Variants in GRIA4 observed in about 807,000 individuals in gnomAD.
GRIA4 encodes glutamate ionotropic receptor AMPA type subunit 4.
A neutral mutation model predicts 104.0 loss-of-function variants in GRIA4; 34 were observed. That is an observed-to-expected ratio of 0.33 (90% CI 0.25 to 0.44). The LOEUF is 0.44. Among genes scored for constraint, GRIA4 ranks in the 20% least tolerant of loss-of-function variants. The pLI, the probability that GRIA4 is intolerant of heterozygous loss-of-function variation, is 1.00. For missense variants in GRIA4, 750 were observed against 1,096.5 expected, an observed-to-expected ratio of 0.68 and a Z score of 4.46; for synonymous variants, 386 against 381.9, an observed-to-expected ratio of 1.01 and a Z score of -0.13.
intron 3 of GRIA4, among the ~76,000 whole-genome samples, chr11:105,704,862 C>T (rs1301235153): frequency 1.3e-5 from 2 of 152,094 alleles, no homozygotes; most frequent in Non-Finnish European, 2.9e-5. Flanking sequence ...ATTTAACTCA[C>T]TCCTTATAAA....
intron 14 of GRIA4, among the ~76,000 whole-genome samples, chr11:105,959,614 CT>C (rs1261071459): frequency 2.0e-5 from 3 of 152,196 alleles, no homozygotes; most frequent in Admixed American, 6.5e-5. Flanking sequence ...AGTTCTCTAT[CT>C]GATCTTCCAT....
intron 3 of GRIA4, among the ~76,000 whole-genome samples, chr11:105,678,261 A>G (rs1371094696): frequency 6.6e-6 from 1 of 152,032 alleles, no homozygotes; most frequent in African/African-American, 2.4e-5. Context: ...TGGGGGCCCA[A>G]TTATGCCCCT....
chr11:105,902,237 C>A lies in GRIA4; in HGVS notation c.886-1577C>A, dbSNP rs7930028. Among the ~76,000 whole-genome samples the A allele has an allele frequency of 4.0e-3, 603 of 152,010 alleles. 5 individuals carry two copies. The highest frequency in any genetic ancestry group is 0.013 in the African/African-American group (556 of 41,450). ...CAGTTCTTTGTTAGAATTAATGCTC[C>A]TTATTTTATCCATGTTTTAGTTTTT... On this transcript the variant is annotated intron_variant, in intron 7 of 16. Coordinates refer to ENST00000282499, the MANE Select transcript of GRIA4 (RefSeq NM_000829.4).
At chr11:105,813,093 C>CAAAAAAA (rs58984237) in intron 4 of GRIA4, among the ~76,000 whole-genome samples, 3 of 80,402 alleles carry the variant, frequency 3.7e-5, no homozygotes, top group East Asian at 3.8e-4. Flanking sequence ...GACTCCATCT[C>CAAAAAAA]AAAAAAAAAA....
chr11:105,618,322 G>T (rs893063852), intron 3 of GRIA4, among the ~76,000 whole-genome samples: 2 of 152,080 alleles, frequency 1.3e-5, no homozygotes, highest in Admixed American at 1.3e-4. Flanking sequence ...GAATCAATTG[G>T]AAGAGGACAA....
intron 9 of GRIA4, among the ~76,000 whole-genome samples, chr11:105,909,503 T>C (rs547565831): frequency 6.6e-5 from 10 of 152,244 alleles, no homozygotes; most frequent in African/African-American, 1.9e-4. Context: ...CCTACTAAAG[T>C]GTAACTTTGT....
intron 4 of GRIA4, among the ~76,000 whole-genome samples, chr11:105,817,487 T>A (rs1281132436): frequency 6.6e-6 from 1 of 151,764 alleles, no homozygotes; most frequent in Non-Finnish European, 1.5e-5. Flanking sequence ...TAATAGTTTT[T>A]AAATTTTTTT....
At chr11:105,944,882 T>C (rs1202771117) in intron 14 of GRIA4, among the ~76,000 whole-genome samples, 2 of 152,166 alleles carry the variant, frequency 1.3e-5, no homozygotes, top group Non-Finnish European at 2.9e-5. Context: ...TCCTGCCATT[T>C]CCCATTGTGA....
intron 3 of GRIA4, among the ~76,000 whole-genome samples, chr11:105,740,139 T>A (rs561859707): frequency 6.6e-6 from 1 of 152,222 alleles, no homozygotes; most frequent in African/African-American, 2.4e-5. Context: ...TAAAGGAGAA[T>A]GTCTTAACTG....
intron 3 of GRIA4, among the ~76,000 whole-genome samples, chr11:105,737,206 G>A (rs574924301): frequency 1.3e-5 from 2 of 152,114 alleles, no homozygotes; most frequent in Admixed American, 6.6e-5. Flanking sequence ...TTTCTGTTTC[G>A]TGTTGTCCTT....
intron 14 of GRIA4, among the ~76,000 whole-genome samples, chr11:105,967,934 T>A (rs1229946018): frequency 6.6e-6 from 1 of 152,218 alleles, no homozygotes; most frequent in Non-Finnish European, 1.5e-5. Flanking sequence ...TAAACTTACC[T>A]TACCCCTCCC....
intron 5 of GRIA4, among the ~76,000 whole-genome samples, chr11:105,868,755 A>C (rs1396669473): frequency 6.6e-6 from 1 of 152,158 alleles, no homozygotes; most frequent in African/African-American, 2.4e-5. Context: ...CACAGAAATT[A>C]CTACAGCAAA....
At chr11:105,891,798 C>T (rs993312798) in intron 6 of GRIA4, among the ~76,000 whole-genome samples, 1 of 152,158 alleles carries the variant, frequency 6.6e-6, no homozygotes, top group Non-Finnish European at 1.5e-5. Flanking sequence ...TACTGTCCAA[C>T]ATCCCACGGC....
intron 3 of GRIA4, among the ~76,000 whole-genome samples, chr11:105,681,991 G>A (rs1012019985): frequency 6.6e-6 from 1 of 152,060 alleles, no homozygotes; most frequent in African/African-American, 2.4e-5. Flanking sequence ...GCAGGGCAGA[G>A]ATCACACAAC....
chr11:105,811,132 G>A (rs1943155618), intron 4 of GRIA4, among the ~76,000 whole-genome samples: 1 of 152,108 alleles, frequency 6.6e-6, no homozygotes, highest in Non-Finnish European at 1.5e-5. Flanking sequence ...TAACCATGCA[G>A]GCATTCTTTA....
At chr11:105,917,189 A>G (rs571608224) in intron 10 of GRIA4, among the ~76,000 whole-genome samples, 2 of 152,270 alleles carry the variant, frequency 1.3e-5, no homozygotes, top group African/African-American at 4.8e-5. Flanking sequence ...TTATGTGTGG[A>G]AGAACTTTTT....
intron 3 of GRIA4, among the ~76,000 whole-genome samples, chr11:105,677,479 T>C (rs1952575217): frequency 6.6e-6 from 1 of 151,902 alleles, no homozygotes; most frequent in Admixed American, 6.6e-5. Flanking sequence ...AGCAATGCAT[T>C]AGAACTAGGA....
intron 4 of GRIA4, among the ~76,000 whole-genome samples, chr11:105,807,237 G>A (rs1056528339): frequency 4.6e-5 from 7 of 151,904 alleles, no homozygotes; most frequent in Admixed American, 3.3e-4. Flanking sequence ...ATGGGAATAC[G>A]ATAACATTGT....
Position 105,625,196 on chromosome 11 carries a change from G to A in GRIA4, c.247+12762G>A, listed in dbSNP as rs893279413. ...TCAACACTGTTAGACTGTGACTTCC[G>A]TGACAACGAGGATGATACCGTACTA... On this transcript the variant is annotated intron_variant, in intron 3 of 16. Transcript: ENST00000282499. Among the ~76,000 whole-genome samples the A allele has an allele frequency of 5.3e-5, 8 of 152,180 alleles. No homozygotes were observed. The South Asian group carries it at 6.2e-4, about 12-fold the overall frequency.
Sources: gnomAD v4.1 joint callset for allele counts (sites outside exome capture counted in the v4.1 genomes callset) on GRCh38, gnomAD v4.1.1 for gene constraint, MANE v1.5 for transcripts, NCBI Gene and HGNC (gene_info 2026-07-23, HGNC 2026-07-21) for gene names.